ADAM9: variants seen among roughly 807,000 people sequenced by gnomAD.
The protein encoded by ADAM9 is ADAM metallopeptidase domain 9, also known as disintegrin and metalloproteinase domain-containing protein 9.
In ADAM9, 54 loss-of-function variants were observed where a neutral mutation model predicts 108.1. The observed-to-expected ratio is 0.50, with a 90% CI of 0.40 to 0.63. The LOEUF (loss-of-function observed/expected upper bound fraction) is 0.63. Ranked by LOEUF, ADAM9 falls within the 20% of genes least tolerant of loss-of-function variation. ADAM9 has a pLI of 0.00. For missense variants in ADAM9, 830 were observed against 997.7 expected (o/e 0.83, Z 2.26); for synonymous variants, 316 against 336.0 (o/e 0.94, Z 0.65).
chr8:39,054,935 A>G (rs1462473947), intron 13 of ADAM9, among the ~76,000 whole-genome samples: 1 of 152,148 alleles, frequency 6.6e-6, no homozygotes, highest in Non-Finnish European at 1.5e-5. Flanking sequence ...TTTTTTCTAT[A>G]CAAATGTGAG....
At chr8:38,997,989 A>C (rs772704135) in intron 1 of ADAM9, among the ~76,000 whole-genome samples, 2 of 152,252 alleles carry the variant, frequency 1.3e-5, no homozygotes, top group Non-Finnish European at 2.9e-5. Flanking sequence ...GCAGATTGTC[A>C]GCACGCTGGC....
At chr8:39,072,890 T>C (rs1838742004) in intron 15 of ADAM9, among the ~76,000 whole-genome samples, 1 of 152,280 alleles carries the variant, frequency 6.6e-6, no homozygotes, top group Non-Finnish European at 1.5e-5. Context: ...ACTCGTGTTA[T>C]TGAAAGCCTA....
At chr8:39,044,689 C>T (rs77559145) in intron 12 of ADAM9, among the ~76,000 whole-genome samples, 13,059 of 152,030 alleles carry the variant, frequency 0.086, 874 homozygotes, top group African/African-American at 0.19. Context: ...TCCATGTGCG[C>T]GCATTGTTTA....
chr8:38,997,190 A>G, intron 1 of ADAM9, 30 bp downstream of exon 1: 1 of 1,585,614 alleles, frequency 6.3e-7, no homozygotes, highest in South Asian at 1.1e-5. Flanking sequence ...GTCGGTTGGG[A>G]CGGCTGCTTC....
chr8:39,077,252 G>T lies in ADAM9; in HGVS notation c.1722G>T (p.Gln574His), dbSNP rs748441874. 2 of 1,614,070 alleles carry T rather than the reference G, an allele frequency of 1.2e-6. No individual in the cohort carries two copies. The highest frequency in any genetic ancestry group is 8.5e-7 in the Non-Finnish European group (1 of 1,179,952). Reference sequence around the variant, plus strand: ...GGAATGCTTTGTGTGGAAAGCTTCAGTGTGAGAATGTACAAGAGATACCTG... The same window carrying T: ...GGAATGCTTTGTGTGGAAAGCTTCATTGTGAGAATGTACAAGAGATACCTG... The part of the protein sequence containing the change: ...ATGNALCGKL[Q>H]CENVQEIPVF... The change falls in exon 16 of 22, where the codon CAG becomes CAT. Residue 574 changes from glutamine to histidine, a missense_variant. By Grantham distance (24) the Gln-to-His change is conservative. Around this residue, in one of 3 missense-constraint regions of ADAM9, gnomAD observed 381 missense variants for 539.8 expected, o/e 0.71. Coordinates refer to ENST00000487273, the MANE Select transcript of ADAM9 (RefSeq NM_003816.3).
At chr8:39,064,990 A>T (rs1838411595) in intron 14 of ADAM9, among the ~76,000 whole-genome samples, 1 of 152,080 alleles carries the variant, frequency 6.6e-6, no homozygotes, top group Non-Finnish European at 1.5e-5. Context: ...ATATGCCTTG[A>T]TGTGGGTTTG....
intron 3 of ADAM9, among the ~76,000 whole-genome samples, chr8:39,013,077 CATACAG>C (rs566813830): frequency 8.5e-4 from 129 of 152,270 alleles, no homozygotes; most frequent in African/African-American, 3.0e-3. Flanking sequence ...TGGAAATAAG[CATACAG>C]CTGCTCCAGT....
At position 39,055,658 on chromosome 8, in the gene ADAM9, T is replaced by C; in HGVS notation, c.1477T>C (p.Cys493Arg). 6.2e-7 allele frequency: 1 copy of C among 1,613,824 alleles called. No homozygotes were observed. The highest frequency in any genetic ancestry group is 8.5e-7 in the Non-Finnish European group (1 of 1,179,780). The change falls in exon 14 of 22, where the codon TGT becomes CGT. Residue 493 changes from cysteine (C) to arginine (R), a missense_variant. Physicochemically the swap from Cys to Arg is radical, Grantham distance 180. This residue lies in a region of ADAM9 where 381 missense variants were observed against 539.8 expected (regional missense o/e 0.71). Coordinates refer to ENST00000487273, the MANE Select transcript of ADAM9 (RefSeq NM_003816.3). ...PEYCNGSSQF[C>R]QPDVFIQNGY... ...GTACTGCAATGGTTCTTCTCAGTTC[T>C]GTCAGCCAGATGTTTTTATTCAGAA...
At chr8:39,017,821 G>C (rs1218562508) in intron 6 of ADAM9, among the ~76,000 whole-genome samples, 1 of 152,132 alleles carries the variant, frequency 6.6e-6, no homozygotes, top group Non-Finnish European at 1.5e-5. Context: ...TTGAACCCCT[G>C]GTATCAAGCA....
intron 20 of ADAM9, among the ~76,000 whole-genome samples, chr8:39,097,618 T>A (rs1024079920): frequency 1.3e-5 from 2 of 152,158 alleles, no homozygotes; most frequent in African/African-American, 4.8e-5. Context: ...TGTCTAGTAT[T>A]TTAAGTCTTT....
chr8:39,010,150 AG>A (rs1836309093), intron 2 of ADAM9, among the ~76,000 whole-genome samples: 1 of 152,028 alleles, frequency 6.6e-6, no homozygotes, highest in Non-Finnish European at 1.5e-5. Flanking sequence ...GACTAGAAGG[AG>A]GGGGGTGAAC....
intron 12 of ADAM9, among the ~76,000 whole-genome samples, chr8:39,044,886 A>ATG (rs111333521): frequency 0.1 from 13,085 of 129,586 alleles, 2,065 homozygotes; most frequent in African/African-American, 0.3. Flanking sequence ...ATATATATGT[A>ATG]TATATATGTG....
intron 11 of ADAM9, 140 bp downstream of exon 11, chr8:39,026,950 A>T: frequency 9.3e-7 from 1 of 1,069,878 alleles, no homozygotes; most frequent in South Asian, 1.5e-5. Flanking sequence ...TGACATACCA[A>T]TGAGAAGTCT....
chr8:39,045,447 C>CACACACCTATATGTGCGTGTGT (rs1837715439), intron 12 of ADAM9, among the ~76,000 whole-genome samples: 1 of 30,052 alleles, frequency 3.3e-5, no homozygotes, highest in East Asian at 9.7e-4. Context: ...CGCGTGTGTA[C>CACACACCTATATGTGCGTGTGT]ACACACCTAT....
chr8:39,072,539 A>G (rs1265192368), intron 15 of ADAM9, among the ~76,000 whole-genome samples: 1 of 151,922 alleles, frequency 6.6e-6, no homozygotes, highest in African/African-American at 2.4e-5. Context: ...CCCTGACCCC[A>G]TGTGATTTCG....
rs141310434 is a variant in ADAM9 at position 39,024,051 on chromosome 8, C to T, written c.914+726C>T. On this transcript the variant is annotated intron_variant, in intron 9 of 21. Coordinates refer to ENST00000487273, the MANE Select transcript of ADAM9 (RefSeq NM_003816.3). ...GTGACACTGGGTATAAAATTGTATC[C>T]GTGAAATCCTTTTTCTTCACGACTT... Among the ~76,000 whole-genome samples, 71 of 152,132 alleles carry T rather than the reference C, an allele frequency of 4.7e-4. No individual in the cohort carries two copies. The East Asian group carries it at 0.011, about 24-fold the overall frequency.
intron 18 of ADAM9, among the ~76,000 whole-genome samples, chr8:39,084,355 G>T (rs1839117190): frequency 6.7e-6 from 1 of 148,774 alleles, no homozygotes. Context: ...TTCTGATACA[G>T]ACATTTTATT....
intron 12 of ADAM9, among the ~76,000 whole-genome samples, chr8:39,053,185 CTTA>C (rs1838012391): frequency 1.3e-5 from 2 of 152,062 alleles, no homozygotes; most frequent in Non-Finnish European, 2.9e-5. Flanking sequence ...ATTTTGATTA[CTTA>C]TTGTTGAGTT....
chr8:39,038,070 C>G (rs1452449768), intron 11 of ADAM9, among the ~76,000 whole-genome samples: 1 of 152,182 alleles, frequency 6.6e-6, no homozygotes, highest in African/African-American at 2.4e-5. Flanking sequence ...GCAATCCAAC[C>G]ACTTCTTACA....
Sources: gnomAD v4.1 joint callset for allele counts (sites outside exome capture counted in the v4.1 genomes callset) on GRCh38, gnomAD v4.1.1 for gene constraint, gnomAD v4.1.1 regional missense constraint, MANE v1.5 for transcripts, NCBI Gene and HGNC (gene_info 2026-07-23, HGNC 2026-07-21) for gene names.